KCNN1: variants seen among roughly 807,000 people sequenced by gnomAD.
The protein encoded by KCNN1 is potassium calcium-activated channel subfamily N member 1.
A neutral mutation model predicts 44.7 loss-of-function variants in KCNN1; 20 were observed. That is an observed-to-expected ratio of 0.45 (90% confidence interval 0.32 to 0.65). KCNN1 has a LOEUF of 0.65. Ranked by LOEUF, KCNN1 falls within the 30% of genes least tolerant of loss-of-function variation. The pLI is 0.05. For missense variants in KCNN1, 632 were observed against 785.3 expected, an observed-to-expected ratio of 0.80 and a Z score of 2.33; for synonymous variants, 324 against 341.7, an observed-to-expected ratio of 0.95 and a Z score of 0.57.
chr19:17,984,482 G>A (rs974027084), intron 4 of KCNN1, among the ~76,000 whole-genome samples: 2 of 152,136 alleles, frequency 1.3e-5, no homozygotes, highest in Non-Finnish European at 2.9e-5. Flanking sequence ...TCTAAGCCCT[G>A]GGAAGGAGTG....
intron 1 of KCNN1, among the ~76,000 whole-genome samples, chr19:17,968,669 C>T (rs551606482): frequency 6.6e-6 from 1 of 152,240 alleles, no homozygotes; most frequent in East Asian, 1.9e-4. Flanking sequence ...ATCCTCTCCT[C>T]AAGAGCTCTC....
Position 17,993,574 on chromosome 19 carries a change from G to A in KCNN1, c.1377+15G>A. 9 of 1,612,536 alleles carry A rather than the reference G, an allele frequency of 5.6e-6. No individual in the cohort carries two copies. Among genetic ancestry groups the A allele is most frequent in the Non-Finnish European group, 7.6e-6 (9 of 1,178,710 alleles). On this transcript the variant is annotated intron_variant, in intron 9 of 9. Coordinates refer to ENST00000684775, the MANE Select transcript of KCNN1 (RefSeq NM_001386974.1). This position sits in a 1 kb window ranked among gnomAD's most constrained non-coding sequence, Gnocchi z 4.5. ...ACCTAGCCAAGGTGAGTGGGTTGGG[G>A]CAGGGTGGGCCAGACAGGGCAGGTG...
chr19:17,957,626 G>C (rs928210755), intron 2 of KCNN1, among the ~76,000 whole-genome samples: 1 of 152,116 alleles, frequency 6.6e-6, no homozygotes, highest in Non-Finnish European at 1.5e-5. Context: ...GAACAGTGAG[G>C]AGGCTGCTGT....
rs537539655 is a variant in KCNN1 at position 17,974,632 on chromosome 19, G to A, written c.402+342G>A. Among the ~76,000 whole-genome samples, 1 of 152,176 alleles carries A rather than the reference G, an allele frequency of 6.6e-6. No individual in the cohort carries two copies. The highest frequency in any genetic ancestry group is 2.4e-5 in the African/African-American group (1 of 41,446). On this transcript the variant is annotated intron_variant, in intron 2 of 9. Coordinates refer to ENST00000684775, the MANE Select transcript of KCNN1 (RefSeq NM_001386974.1). This position sits in a 1 kb window ranked among gnomAD's most constrained non-coding sequence, Gnocchi z 7.3. ...TTCCTCCCCTTCCGAGAGTGAGTGC[G>A]TCCAGGTTACAAGCCTGGCTGTGGG...
At chr19:17,976,013 G>A (rs965453501) in intron 3 of KCNN1, among the ~76,000 whole-genome samples, 2 of 152,088 alleles carry the variant, frequency 1.3e-5, no homozygotes, top group African/African-American at 4.8e-5. Flanking sequence ...GGCTGCACAC[G>A]CATGTTGATA....
In KCNN1 at chr19:17,989,784, G is replaced by A. The variant is rs766272113; in HGVS notation, c.1239G>A (p.Lys413=). 1.2e-6 allele frequency: 2 copies of A among 1,613,966 alleles called. No individual in the cohort carries two copies. Among genetic ancestry groups the A allele is most frequent in the South Asian group, 1.1e-5 (1 of 91,082 alleles). Residue 413 remains lysine, a synonymous_variant, in exon 7 of 10, where the codon AAG becomes AAA. Coordinates refer to ENST00000684775, the MANE Select transcript of KCNN1 (RefSeq NM_001386974.1). ...WLIYKHTRLV[K]KPDQARVRKH... ...TCTACAAACATACCAGGCTGGTGAA[G>A]AAGCCAGACCAAGCCCGGGTTCGGA...
In KCNN1 at chr19:17,993,684, G is replaced by A. The variant is rs1320143994; in HGVS notation, c.1377+125G>A. 22 of 749,052 alleles carry A rather than the reference G, an allele frequency of 2.9e-5. No individual in the cohort carries two copies. Among genetic ancestry groups the A allele is most frequent in the South Asian group, 2.1e-4 (14 of 65,278 alleles). The allele number at this position is 749,052 out of a possible 1,614,324, so 46.4% of individuals were successfully genotyped here. ...CTGTGGGCTGAGTGCAGTGGCGGGC[G>A]GATCGCTTGAGCTCAGGAGTTTGAG... On this transcript the variant is annotated intron_variant, in intron 9 of 9. Transcript: ENST00000684775. The surrounding 1 kb of genome is among the most constrained non-coding windows in gnomAD (Gnocchi z 4.5).
At position 17,974,093 on chromosome 19, in the gene KCNN1, G is replaced by A; in HGVS notation, c.205G>A (p.Asp69Asn). 1 of 1,612,012 alleles carries A rather than the reference G, an allele frequency of 6.2e-7. No individual in the cohort carries two copies. The highest frequency in any genetic ancestry group is 8.5e-7 in the Non-Finnish European group (1 of 1,179,816). The change falls in exon 2 of 10, where the codon GAC (aspartate) becomes AAC (asparagine). Residue 69 changes from aspartate (D) to asparagine (N), a missense_variant. Physicochemically the swap from Asp to Asn is conservative, Grantham distance 23. Transcript: ENST00000684775. The surrounding 1 kb of genome is among the most constrained non-coding windows in gnomAD (Gnocchi z 7.3). ...GGGGCAGCCCCAGGACCAGGACGAT[G>A]ACGAGGATGATGAGGAAGATGAGGC... Reference protein sequence around the residue: ...PRGQPQDQDDDEDDEEDEAGR... With the variant: ...PRGQPQDQDDNEDDEEDEAGR...
chr19:17,989,229 G>A (rs1233384843), intron 6 of KCNN1, among the ~76,000 whole-genome samples: 4 of 151,916 alleles, frequency 2.6e-5, no homozygotes, highest in Admixed American at 6.6e-5. Flanking sequence ...AGGCCGAGGC[G>A]GGCGGATCAC....
intron 3 of KCNN1, among the ~76,000 whole-genome samples, chr19:17,976,876 T>G (rs970499673): frequency 2.0e-5 from 3 of 151,860 alleles, no homozygotes; most frequent in Admixed American, 6.6e-5. Flanking sequence ...CCACCACGCC[T>G]GGCTAATTTT....
chr19:17,976,552 G>A (rs1408152435), intron 3 of KCNN1, among the ~76,000 whole-genome samples: 3 of 151,470 alleles, frequency 2.0e-5, no homozygotes, highest in Non-Finnish European at 4.4e-5. Context: ...CCGAGCAGCT[G>A]GGATTACAGG....
At position 17,987,836 on chromosome 19, in the gene KCNN1, CAAAA is replaced by C. The variant is rs973068020; in HGVS notation, c.1060-561_1060-558del. Reference sequence around the variant, plus strand: ...ACATAGTGAGACCCCATATCGCTACCAAAAAAAAAAAAAAAAAAAAACAGGGCCA... The same window carrying C: ...ACATAGTGAGACCCCATATCGCTACCAAAAAAAAAAAAAAAAACAGGGCCA... On this transcript the variant is annotated intron_variant, in intron 5 of 9. Transcript: ENST00000684775. 1.5e-4 allele frequency among the ~76,000 whole-genome samples: 8 copies of C among 54,576 alleles called. No individual in the cohort carries two copies. In the East Asian group the frequency reaches 2.0e-3, roughly 14 times the overall value. The allele number at this position is 54,576 out of a possible 152,430, so 35.8% of individuals were successfully genotyped here. A position where few individuals can be genotyped will look rare whatever the true frequency, so the allele number is the denominator to read the frequency against.
At chr19:17,959,380 C>T (rs970015997) in intron 2 of KCNN1, among the ~76,000 whole-genome samples, 5 of 151,898 alleles carry the variant, frequency 3.3e-5, no homozygotes, top group Admixed American at 2.6e-4. Flanking sequence ...GCCTCAGGCT[C>T]CTGAGTAGCT....
In KCNN1 at chr19:17,973,923, G is replaced by A. The variant is rs972773573; in HGVS notation, c.35G>A (p.Arg12Gln). The A allele has an allele frequency of 5.8e-6, 9 of 1,554,874 alleles. No individual in the cohort carries two copies. Among genetic ancestry groups the A allele is most frequent in the East Asian group, 2.4e-5 (1 of 41,364 alleles). The change falls in exon 2 of 10, where the codon CGG (arginine) becomes CAG (glutamine). Residue 12 changes from arginine (R) to glutamine (Q), a missense_variant. This residue lies in a region of KCNN1 where 235 missense variants were observed against 224.0 expected (regional missense o/e 1.05). Coordinates refer to ENST00000684775, the MANE Select transcript of KCNN1 (RefSeq NM_001386974.1). ...CACAGCTACAATGGCAGCGTGGGGC[G>A]GCCGCTGGGCAGCGGGCCGGGCGCC... ...NSHSYNGSVG[R>Q]PLGSGPGALG...
At chr19:17,978,472 G>T (rs1411650075) in intron 3 of KCNN1, among the ~76,000 whole-genome samples, 2 of 148,288 alleles carry the variant, frequency 1.3e-5, no homozygotes, top group African/African-American at 2.5e-5. Context: ...CTGTCGCCCA[G>T]GCTGGAGTAC....
upstream of KCNN1, among the ~76,000 whole-genome samples, chr19:17,966,023 G>GCCTGCCTTCCTT (rs1369774115): frequency 7.5e-5 from 9 of 119,636 alleles, no homozygotes; most frequent in East Asian, 4.9e-4. Context: ...CTGCCTGCCT[G>GCCTGCCTTCCTT]CCTTCCTTCC....
At chr19:17,951,873 G>C (rs1031873901) in intron 1 of KCNN1, among the ~76,000 whole-genome samples, 3 of 152,192 alleles carry the variant, frequency 2.0e-5, no homozygotes, top group Admixed American at 6.5e-5. Flanking sequence ...AGAGTGAGGG[G>C]AGCAGCCCTG....
At chr19:17,986,697 A>G (rs1192838047) in intron 5 of KCNN1, among the ~76,000 whole-genome samples, 2 of 152,092 alleles carry the variant, frequency 1.3e-5, no homozygotes, top group Non-Finnish European at 2.9e-5. Flanking sequence ...GGGTCTCACT[A>G]TGTTGCCCAG....
intron 2 of KCNN1, among the ~76,000 whole-genome samples, chr19:17,956,990 T>C (rs2031557336): frequency 6.7e-6 from 1 of 150,292 alleles, no homozygotes; most frequent in Non-Finnish European, 1.5e-5. Context: ...AGTTGGAGGT[T>C]GCAGTGAGCC....
Sources: gnomAD v4.1 joint callset for allele counts (sites outside exome capture counted in the v4.1 genomes callset) on GRCh38, gnomAD v4.1.1 for gene constraint, gnomAD v4.1.1 regional missense constraint, Gnocchi (gnomAD v3.1) non-coding constraint, MANE v1.5 for transcripts, NCBI Gene and HGNC (gene_info 2026-07-23, HGNC 2026-07-21) for gene names.